PLEKHA7: variants seen among roughly 807,000 people sequenced by gnomAD.
PLEKHA7 encodes pleckstrin homology domain containing A7.
PLEKHA7 carries 104 observed loss-of-function variants against 170.0 expected under a neutral mutation model. The ratio of observed to expected loss-of-function variants is 0.61; its 90% CI spans 0.52 to 0.72. The LOEUF (loss-of-function observed/expected upper bound fraction) is 0.72. Among genes scored for constraint, PLEKHA7 ranks in the 30% least tolerant of loss-of-function variants. The pLI, the probability that PLEKHA7 is intolerant of heterozygous loss-of-function variation, is 0.00. For synonymous variants in PLEKHA7, 648 were observed against 660.8 expected, an observed-to-expected ratio of 0.98 and a Z score of 0.30; for missense variants, 1,615 against 1,671.7, an observed-to-expected ratio of 0.97 and a Z score of 0.59.
At chr11:16,918,606 C>A (rs1858862077) in intron 3 of PLEKHA7, among the ~76,000 whole-genome samples, 1 of 152,206 alleles carries the variant, frequency 6.6e-6, no homozygotes, top group African/African-American at 2.4e-5. Flanking sequence ...TAAGGGTTGG[C>A]TCCCTTCTAC....
At chr11:17,000,154 G>A (rs1864580026) in intron 3 of PLEKHA7, among the ~76,000 whole-genome samples, 1 of 152,166 alleles carries the variant, frequency 6.6e-6, no homozygotes, top group Non-Finnish European at 1.5e-5. Context: ...TGGAATCTCG[G>A]CTCACTGTAA....
At chr11:16,943,534 CTTATT>C (rs999404599) in intron 3 of PLEKHA7, among the ~76,000 whole-genome samples, 10 of 152,188 alleles carry the variant, frequency 6.6e-5, no homozygotes, top group South Asian at 2.1e-4. Flanking sequence ...CCTCTTACTC[CTTATT>C]TTATATCAAA....
intron 3 of PLEKHA7, among the ~76,000 whole-genome samples, chr11:16,990,287 A>AAAAAAAAAAAAAAAAAC (rs1554992439): frequency 9.0e-6 from 1 of 111,250 alleles, no homozygotes; most frequent in Admixed American, 1.1e-4. Flanking sequence ...AAAAAAAAAA[A>AAAAAAAAAAAAAAAAAC]AAAAAAAAAA....
At chr11:16,803,403 A>G in intron 13 of PLEKHA7, 108 bp from the exon 14 acceptor site, 1 of 1,146,800 alleles carries the variant, frequency 8.7e-7, no homozygotes, top group Non-Finnish European at 1.3e-6. Context: ...TGGCAGTGGC[A>G]GGTAGGGTCA....
intron 3 of PLEKHA7, among the ~76,000 whole-genome samples, chr11:16,882,263 A>G (rs1855769696): frequency 2.0e-5 from 3 of 152,200 alleles, no homozygotes; most frequent in Admixed American, 2.0e-4. Flanking sequence ...AGAAACCTCC[A>G]TATCCTTCAT....
At chr11:16,954,925 C>T (rs543176543) in intron 3 of PLEKHA7, among the ~76,000 whole-genome samples, 4 of 152,102 alleles carry the variant, frequency 2.6e-5, no homozygotes, top group African/African-American at 9.6e-5. Context: ...CTCCTGACCT[C>T]GTGATCCGCC....
chr11:16,968,670 G>A (rs142790999), intron 3 of PLEKHA7, among the ~76,000 whole-genome samples: 6 of 152,314 alleles, frequency 3.9e-5, no homozygotes, highest in African/African-American at 1.4e-4. Flanking sequence ...ACAGTTTGGA[G>A]TCTTCAATAG....
intron 3 of PLEKHA7, among the ~76,000 whole-genome samples, chr11:16,907,436 G>GT (rs1857884162): frequency 8.1e-6 from 1 of 124,106 alleles, no homozygotes; most frequent in Non-Finnish European, 1.8e-5. Context: ...GAGGTGAGGG[G>GT]CGCCTCTGCC....
At chr11:16,964,530 C>T (rs1410778321) in intron 3 of PLEKHA7, among the ~76,000 whole-genome samples, 1 of 152,206 alleles carries the variant, frequency 6.6e-6, no homozygotes, top group African/African-American at 2.4e-5. Flanking sequence ...AGGATGTCTG[C>T]ACACTCTTGG....
Position 16,794,977 on chromosome 11 carries a change from A to G in PLEKHA7, c.2451T>C (p.Asp817=), listed in dbSNP as rs2134280368. The change falls in exon 18 of 27, where the codon GAT becomes GAC. Residue 817 remains aspartate (D), a synonymous_variant. Transcript: ENST00000531066. ...QIQKDLWRIE[D]VTAGLSANKE... ...TATTTGCACTCAGGCCTGCAGTGAC[A>G]TCTTCAATTCTCCATAGATCTTTCT... The G allele has an allele frequency of 6.2e-7, 1 of 1,614,064 alleles. No homozygotes were observed. The highest frequency in any genetic ancestry group is 8.5e-7 in the Non-Finnish European group (1 of 1,179,960).
At chr11:16,822,095 C>T (rs759636602) in intron 10 of PLEKHA7, among the ~76,000 whole-genome samples, 13 of 152,110 alleles carry the variant, frequency 8.5e-5, no homozygotes, top group Non-Finnish European at 1.8e-4. Context: ...GTGCACACCC[C>T]ACTCCCAACT....
At chr11:16,970,423 C>T (rs1862637421) in intron 3 of PLEKHA7, among the ~76,000 whole-genome samples, 2 of 152,084 alleles carry the variant, frequency 1.3e-5, no homozygotes, top group Non-Finnish European at 2.9e-5. Context: ...CTTTGGAAGG[C>T]TGAGGCAGGG....
At chr11:16,818,292 C>G (rs901949065) in intron 10 of PLEKHA7, among the ~76,000 whole-genome samples, 5 of 152,226 alleles carry the variant, frequency 3.3e-5, no homozygotes, top group Non-Finnish European at 7.3e-5. Context: ...TCATAAGGCT[C>G]TTCTGAGGAA....
chr11:16,871,272 G>A (rs1241769445), intron 3 of PLEKHA7, 90 bp from the exon 4 acceptor site: 2 of 998,978 alleles, frequency 2.0e-6, no homozygotes, highest in South Asian at 1.3e-5. Flanking sequence ...TGGTGACCCT[G>A]GTCATCAAAG....
At position 16,857,781 on chromosome 11, in the gene PLEKHA7, C is replaced by T. The variant is rs1013847412; in HGVS notation, c.306-1867G>A. Among the ~76,000 whole-genome samples, 3 of 152,228 alleles carry T rather than the reference C, an allele frequency of 2.0e-5. No individual in the cohort carries two copies. The East Asian group carries it at 5.8e-4, about 29-fold the overall frequency. ...TCGCCCGGGCTGGAGCGCAGTGGCGCGATCTCAGTTCACTGCAACTTCCGC... is the reference window on the plus strand; with the variant it reads ...TCGCCCGGGCTGGAGCGCAGTGGCGTGATCTCAGTTCACTGCAACTTCCGC... On this transcript the variant is annotated intron_variant, in intron 4 of 26. Transcript: ENST00000531066.
chr11:16,886,758 A>G (rs1374326856), intron 3 of PLEKHA7, among the ~76,000 whole-genome samples: 1 of 151,936 alleles, frequency 6.6e-6, no homozygotes, highest in African/African-American at 2.4e-5. Flanking sequence ...GTCAGACCAG[A>G]ATGATATTGA....
In PLEKHA7 at chr11:16,786,276, C is replaced by T. The variant is rs1356658157; in HGVS notation, c.3469G>A (p.Glu1157Lys). Residue 1157 changes from glutamate to lysine, a missense_variant, in exon 24 of 27, where the codon GAG becomes AAG. Coordinates refer to ENST00000531066, the MANE Select transcript of PLEKHA7 (RefSeq NM_001329630.2). ...WLKVQAMPVTELDLEPQDYDL... is the reference protein window; with the variant it reads ...WLKVQAMPVTKLDLEPQDYDL... ...TAGTCTTGAGGCTCCAGGTCCAACTCAGTGACAGGCATGGCCTGCACTTTC... is the reference window on the plus strand; with the variant it reads ...TAGTCTTGAGGCTCCAGGTCCAACTTAGTGACAGGCATGGCCTGCACTTTC... 6.5e-7 allele frequency: 1 copy of T among 1,536,186 alleles called. No individual in the cohort carries two copies. Among genetic ancestry groups the T allele is most frequent in the Non-Finnish European group, 8.7e-7 (1 of 1,146,916 alleles).
At chr11:16,834,305 C>G (rs1348518842) in intron 9 of PLEKHA7, among the ~76,000 whole-genome samples, 2 of 152,134 alleles carry the variant, frequency 1.3e-5, no homozygotes, top group Non-Finnish European at 2.9e-5. Flanking sequence ...CATGCCTGGC[C>G]ACCCTTAATA....
At chr11:16,831,808 A>T (rs1384254918) in intron 9 of PLEKHA7, among the ~76,000 whole-genome samples, 3 of 152,236 alleles carry the variant, frequency 2.0e-5, no homozygotes, top group Non-Finnish European at 4.4e-5. Flanking sequence ...GCACAGAAAC[A>T]GCACAGCACA....
Sources: allele counts gnomAD v4.1 joint callset (sites outside exome capture counted in the v4.1 genomes callset), GRCh38; gene constraint gnomAD v4.1.1; transcripts MANE v1.5; gene names NCBI Gene and HGNC (gene_info 2026-07-23, HGNC 2026-07-21).